The following ROBO1 variants were observed in gnomAD, a reference collection of about 807,000 sequenced individuals.
ROBO1 encodes roundabout homolog 1.
In ROBO1, 149 loss-of-function variants were observed where a neutral mutation model predicts 195.9. The ratio of observed to expected loss-of-function variants is 0.76; its 90% CI spans 0.67 to 0.87. ROBO1 has a LOEUF of 0.87. Among genes scored for constraint, ROBO1 ranks in the 40% least tolerant of loss-of-function variants. The pLI is 0.00. For synonymous variants in ROBO1, 816 were observed against 733.2 expected, an observed-to-expected ratio of 1.11 and a Z score of -1.82; for missense variants, 1,933 against 2,068.3, an observed-to-expected ratio of 0.93 and a Z score of 1.27.
intron 3 of ROBO1, among the ~76,000 whole-genome samples, chr3:79,041,004 A>C (rs1466642641): frequency 6.6e-6 from 1 of 152,126 alleles, no homozygotes; most frequent in Non-Finnish European, 1.5e-5. Context: ...ATCAGGTCCC[A>C]GAGTCTTCTC....
intron 3 of ROBO1, among the ~76,000 whole-genome samples, chr3:79,059,994 A>G (rs1215080824): frequency 6.6e-6 from 1 of 152,038 alleles, no homozygotes; most frequent in African/African-American, 2.4e-5. Context: ...TAGGAGAAAT[A>G]TCGCTGAATT....
chr3:79,600,852 AC>A (rs1944318511), intron 1 of ROBO1, among the ~76,000 whole-genome samples: 1 of 152,014 alleles, frequency 6.6e-6, no homozygotes, highest in South Asian at 2.1e-4. Flanking sequence ...CCAAAATTAT[AC>A]TAAAATGATG....
chr3:79,029,339 T>C (rs879445705), intron 3 of ROBO1, among the ~76,000 whole-genome samples: 2 of 152,150 alleles, frequency 1.3e-5, no homozygotes, highest in African/African-American at 2.4e-5. Context: ...ATTGAAGAAG[T>C]AATATCATTA....
intron 3 of ROBO1, among the ~76,000 whole-genome samples, chr3:79,102,373 A>G (rs2079693913): frequency 6.6e-6 from 1 of 151,744 alleles, no homozygotes; most frequent in Non-Finnish European, 1.5e-5. Context: ...AAGAGGCCAA[A>G]CCATCAGCAA....
chr3:78,672,979 A>G (rs1188722462), intron 10 of ROBO1, among the ~76,000 whole-genome samples: 1 of 152,176 alleles, frequency 6.6e-6, no homozygotes, highest in African/African-American at 2.4e-5. Context: ...TCTCCAATAC[A>G]GTAGCCAACA....
At chr3:79,687,452 G>A (rs1468280356) in intron 1 of ROBO1, among the ~76,000 whole-genome samples, 2 of 152,082 alleles carry the variant, frequency 1.3e-5, no homozygotes, top group Admixed American at 1.3e-4. Context: ...CAGAATGGGA[G>A]AAATTTTTCG....
At chr3:78,742,122 G>C (rs2082547144) in intron 5 of ROBO1, among the ~76,000 whole-genome samples, 1 of 152,056 alleles carries the variant, frequency 6.6e-6, no homozygotes, top group Admixed American at 6.6e-5. Context: ...GCTGGGAGAG[G>C]TGTACTTTAA....
At chr3:79,482,647 A>G (rs1244734263) in intron 2 of ROBO1, among the ~76,000 whole-genome samples, 1 of 152,112 alleles carries the variant, frequency 6.6e-6, no homozygotes, top group African/African-American at 2.4e-5. Flanking sequence ...ATGCATATAA[A>G]TAATAATAAG....
chr3:79,456,907 T>A (rs2039635654), intron 2 of ROBO1, among the ~76,000 whole-genome samples: 1 of 152,192 alleles, frequency 6.6e-6, no homozygotes, highest in Admixed American at 6.5e-5. Flanking sequence ...GTGTTCTAGA[T>A]AACCTTTTGC....
intron 1 of ROBO1, among the ~76,000 whole-genome samples, chr3:79,713,879 G>T (rs975985856): frequency 6.6e-6 from 1 of 152,078 alleles, no homozygotes; most frequent in African/African-American, 2.4e-5. Context: ...GTTTTTGTCA[G>T]GTTTGTCAGA....
At chr3:79,546,951 G>A (rs1942286131) in intron 2 of ROBO1, among the ~76,000 whole-genome samples, 1 of 152,058 alleles carries the variant, frequency 6.6e-6, no homozygotes, top group Admixed American at 6.5e-5. Context: ...GGAGGCCGAG[G>A]CGGGCGGATC....
chr3:79,200,981 T>C (rs943393062), intron 2 of ROBO1, among the ~76,000 whole-genome samples: 6 of 151,916 alleles, frequency 3.9e-5, no homozygotes, highest in African/African-American at 1.4e-4. Context: ...GAAATTTTCT[T>C]GTGAATGAAA....
chr3:79,622,459 C>G (rs148407672), intron 1 of ROBO1, among the ~76,000 whole-genome samples: 3 of 152,220 alleles, frequency 2.0e-5, no homozygotes, highest in African/African-American at 7.2e-5. Context: ...AGTGCAGCAT[C>G]CATCTCTGTA....
rs71127393 is a variant in ROBO1 at position 79,569,126 on chromosome 3, G to GCACA, written c.88+20694_88+20697dup. Among the ~76,000 whole-genome samples, 223 of 149,712 alleles carry GCACA rather than the reference G, an allele frequency of 1.5e-3. 3 individuals carry two copies. Among genetic ancestry groups the GCACA allele is most frequent in the East Asian group, 5.7e-3 (29 of 5,064 alleles). On this transcript the variant is annotated intron_variant, in intron 2 of 30. Coordinates refer to ENST00000464233, the MANE Select transcript of ROBO1 (RefSeq NM_002941.4). ...CAGACACGCATGCGCGTGCACACGC[G>GCACA]CACACACACACACACACACACGCAC...
intron 2 of ROBO1, among the ~76,000 whole-genome samples, chr3:79,573,834 A>T (rs1015010040): frequency 1.3e-5 from 2 of 152,194 alleles, no homozygotes; most frequent in Non-Finnish European, 2.9e-5. Context: ...CCAAGATATG[A>T]TAATTTTAAA....
intron 3 of ROBO1, among the ~76,000 whole-genome samples, chr3:79,007,320 T>A (rs1347742273): frequency 6.6e-6 from 1 of 152,172 alleles, no homozygotes; most frequent in East Asian, 1.9e-4. Context: ...ATTGTAAATG[T>A]CTATGCTATG....
At chr3:79,700,350 T>C (rs1341884810) in intron 1 of ROBO1, among the ~76,000 whole-genome samples, 2 of 151,126 alleles carry the variant, frequency 1.3e-5, no homozygotes, top group African/African-American at 2.4e-5. Context: ...TGTGTGTGTC[T>C]TTCTGGGAGA....
intron 4 of ROBO1, among the ~76,000 whole-genome samples, chr3:78,802,537 C>T (rs1010345572): frequency 4.6e-5 from 7 of 152,032 alleles, no homozygotes; most frequent in Admixed American, 3.9e-4. Context: ...TGGTCAGGGC[C>T]ATTAAACTAG....
At chr3:79,465,071 T>A (rs1054078236) in intron 2 of ROBO1, among the ~76,000 whole-genome samples, 1 of 152,210 alleles carries the variant, frequency 6.6e-6, no homozygotes, top group African/African-American at 2.4e-5. Flanking sequence ...TGAATCGTAT[T>A]CTTAATAACA....
Sources: allele counts gnomAD v4.1 joint callset (sites outside exome capture counted in the v4.1 genomes callset), GRCh38; gene constraint gnomAD v4.1.1; transcripts MANE v1.5; gene names NCBI Gene and HGNC (gene_info 2026-07-23, HGNC 2026-07-21).